The following ANK1 variants were observed in gnomAD, a reference collection of about 807,000 sequenced individuals.
The protein encoded by ANK1 is ankyrin 1, also known as ankyrin-1.
A neutral mutation model predicts 210.4 loss-of-function variants in ANK1; 51 were observed. That is an observed-to-expected ratio of 0.24 (90% confidence interval 0.19 to 0.31). The LOEUF is 0.31. Ranked by LOEUF, ANK1 falls within the 10% of genes least tolerant of loss-of-function variation. ANK1 has a pLI of 1.00. For synonymous variants in ANK1, 967 were observed against 1,025.9 expected (o/e 0.94, Z 1.10); for missense variants, 2,051 against 2,504.4 (o/e 0.82, Z 3.86).
intron 42 of ANK1, chr8:41,660,623 G>A: frequency 2.3e-6 from 1 of 438,778 alleles, no homozygotes; most frequent in Non-Finnish European, 4.6e-6. Context: ...GCACGGCACG[G>A]CATGCCCCTG....
chr8:41,664,798 C>T lies in ANK1; in HGVS notation c.5395-1056G>A, dbSNP rs772361545. On this transcript the variant is annotated intron_variant, in intron 39 of 42. Transcript: ENST00000289734. ...CCAGCCCTGCCGGCCTCCTGCCAGG[C>T]GGTTACCTTCAGGAAGACCCGCCGC... The T allele has an allele frequency of 4.8e-5, 77 of 1,599,592 alleles. No individual in the cohort carries two copies. In the Middle Eastern group the frequency reaches 8.4e-4, roughly 17 times the overall value.
At chr8:41,768,746 G>C (rs1842393249) in intron 1 of ANK1, among the ~76,000 whole-genome samples, 1 of 151,328 alleles carries the variant, frequency 6.6e-6, no homozygotes, top group Admixed American at 6.6e-5. Flanking sequence ...GGGATTGCTT[G>C]AGGCCAGGAG....
chr8:41,801,355 C>T (rs886544849), upstream of ANK1, among the ~76,000 whole-genome samples: 8 of 152,170 alleles, frequency 5.3e-5, no homozygotes, highest in African/African-American at 1.7e-4. Flanking sequence ...TCCCAGTGCA[C>T]GTGTGTGAGA....
At chr8:41,747,151 G>A (rs1836394828) in intron 2 of ANK1, among the ~76,000 whole-genome samples, 1 of 152,172 alleles carries the variant, frequency 6.6e-6, no homozygotes, top group South Asian at 2.1e-4. Context: ...TGGTTTCGCA[G>A]AACGTAAGGG....
intron 42 of ANK1, among the ~76,000 whole-genome samples, chr8:41,659,501 G>A (rs1193063315): frequency 3.3e-5 from 5 of 152,208 alleles, no homozygotes; most frequent in African/African-American, 4.8e-5. Context: ...TGCAGAATCC[G>A]TGAATGATGA....
In ANK1 at chr8:41,653,369, T is replaced by C. The variant is rs1455675870; in HGVS notation, c.*2421A>G. The C allele has an allele frequency of 2.0e-5, 3 of 152,512 alleles. No homozygotes were observed. Among genetic ancestry groups the C allele is most frequent in the African/African-American group, 7.2e-5 (3 of 41,408 alleles). The allele number at this position is 152,512 out of a possible 1,614,324, so 9.4% of individuals were successfully genotyped here. On this transcript the variant is annotated 3_prime_UTR_variant, in exon 43 of 43. Coordinates refer to ENST00000289734, the MANE Select transcript of ANK1 (RefSeq NM_000037.4). ...AGAAAAGATCCATTTTCATAACAATTAAAAAAATCAAGGTAATTTCAAAAC... is the reference window on the plus strand; with the variant it reads ...AGAAAAGATCCATTTTCATAACAATCAAAAAAATCAAGGTAATTTCAAAAC...
chr8:41,680,682 C>T (rs779811455), intron 37 of ANK1, among the ~76,000 whole-genome samples: 4 of 152,172 alleles, frequency 2.6e-5, no homozygotes, highest in Non-Finnish European at 4.4e-5. Context: ...AGGGTACATG[C>T]CCAGCTGCTC....
rs548570443 is a variant in ANK1 at position 41,805,134 on chromosome 8, TTCTC to T, written c.127-47001_127-46998del. Among the ~76,000 whole-genome samples, 265 of 146,860 alleles carry T rather than the reference TTCTC, an allele frequency of 1.8e-3. 2 individuals are homozygous for T. The highest frequency in any genetic ancestry group is 6.8e-3 in the African/African-American group (255 of 37,324). On this transcript the variant is annotated intron_variant, in intron 1 of 42. Coordinates refer to the ANK1 transcript ENST00000265709. ...CTCATAGAGCTCTTTCTCTCTTTCT[TTCTC>T]TCTCTCTCATAGAGCTCTTTCTCTC...
chr8:41,660,469 G>C (rs1449926911), intron 42 of ANK1: 2 of 459,472 alleles, frequency 4.4e-6, no homozygotes, highest in South Asian at 3.2e-5. Context: ...CCCCGAGCTG[G>C]GCAGCATGAA....
intron 37 of ANK1, among the ~76,000 whole-genome samples, chr8:41,678,478 T>A (rs1247875051): frequency 6.6e-6 from 1 of 152,258 alleles, no homozygotes; most frequent in East Asian, 1.9e-4. Flanking sequence ...CCTTCTTTTC[T>A]GTTGGGAACT....
chr8:41,881,393 A>G (rs1817562476), intron 1 of ANK1, among the ~76,000 whole-genome samples: 2 of 152,164 alleles, frequency 1.3e-5, no homozygotes, highest in African/African-American at 4.8e-5. Context: ...ATCTATGTCT[A>G]TGTCTATATC....
intron 2 of ANK1, among the ~76,000 whole-genome samples, chr8:41,748,434 C>T (rs1024113577): frequency 6.6e-6 from 1 of 152,170 alleles, no homozygotes; most frequent in Non-Finnish European, 1.5e-5. Flanking sequence ...ACAGATCTAG[C>T]TCTAACCTCC....
intron 1 of ANK1, among the ~76,000 whole-genome samples, chr8:41,831,731 T>C (rs944542879): frequency 7.9e-5 from 12 of 151,748 alleles, no homozygotes; most frequent in Admixed American, 6.6e-5. Flanking sequence ...AAGGTACCTG[T>C]ACCCAAATTT....
rs1848934531 is a variant in ANK1, at chr8:41,797,318, G to A, written c.27+194C>T. Among the ~76,000 whole-genome samples the A allele has an allele frequency of 6.6e-6, 1 of 152,252 alleles. No individual in the cohort carries two copies. The highest frequency in any genetic ancestry group is 2.4e-5 in the African/African-American group (1 of 41,470). On this transcript the variant is annotated intron_variant, in intron 1 of 42. Transcript: ENST00000289734. The surrounding 1 kb of genome is among the most constrained non-coding windows in gnomAD (Gnocchi z 4.0). ...TAAAAAATATGAAACTGGCTTCAGC[G>A]AGTAGGGCAGAGTCCACCTGCTGCC... is the stretch of plus-strand genomic sequence containing the variant.
intron 1 of ANK1, among the ~76,000 whole-genome samples, chr8:41,895,778 T>G (rs1820365324): frequency 6.6e-6 from 1 of 150,760 alleles, no homozygotes; most frequent in Admixed American, 6.6e-5. Flanking sequence ...ATCCGGAGGG[T>G]CAGGAAAGGT....
At chr8:41,871,151 G>A (rs1815408423) in intron 1 of ANK1, among the ~76,000 whole-genome samples, 1 of 152,126 alleles carries the variant, frequency 6.6e-6, no homozygotes, top group African/African-American at 2.4e-5. Flanking sequence ...CACTGCACAG[G>A]TCCAGGGTGC....
intron 1 of ANK1, among the ~76,000 whole-genome samples, chr8:41,825,801 C>G (rs567888740): frequency 3.3e-5 from 5 of 152,072 alleles, no homozygotes; most frequent in Non-Finnish European, 7.4e-5. Context: ...ATAAGTCTTA[C>G]GAGATCTGAT....
rs1317847586 is a variant in ANK1, at chr8:41,737,172, G to A, written c.130-3103C>T. 1.2e-4 allele frequency among the ~76,000 whole-genome samples: 18 copies of A among 152,178 alleles called. No individual in the cohort carries two copies. The South Asian group carries it at 2.5e-3, about 21-fold the overall frequency. On this transcript the variant is annotated intron_variant, in intron 2 of 42. Transcript: ENST00000289734. ...CAATTAGCCAGGTGTGGTGACACGCGTCTGTAGTCCCAGCTACTCAGGAGG... is the reference window on the plus strand; with the variant it reads ...CAATTAGCCAGGTGTGGTGACACGCATCTGTAGTCCCAGCTACTCAGGAGG...
intron 1 of ANK1, among the ~76,000 whole-genome samples, chr8:41,772,382 T>C (rs1017577139): frequency 6.6e-6 from 1 of 152,242 alleles, no homozygotes; most frequent in Non-Finnish European, 1.5e-5. Context: ...CCACCACTTC[T>C]GGCACATTTG....
Sources: allele counts gnomAD v4.1 joint callset (sites outside exome capture counted in the v4.1 genomes callset), GRCh38; gene constraint gnomAD v4.1.1; non-coding constraint Gnocchi (gnomAD v3.1); transcripts MANE v1.5; gene names NCBI Gene and HGNC (gene_info 2026-07-23, HGNC 2026-07-21).